Variants in CRACDL observed in about 807,000 individuals in gnomAD.
The protein encoded by CRACDL is CRACD like, also known as CRACD-like protein.
Under a neutral mutation model 70.6 loss-of-function variants are expected in CRACDL, and 26 were observed. That is an observed-to-expected ratio of 0.37 (90% CI 0.27 to 0.51). The LOEUF (loss-of-function observed/expected upper bound fraction) is 0.51. Among genes scored for constraint, CRACDL ranks in the 20% least tolerant of loss-of-function variants. The pLI, the probability that CRACDL is intolerant of heterozygous loss-of-function variation, is 0.94. For missense variants in CRACDL, 1,283 were observed against 1,376.9 expected (o/e 0.93, Z 1.08); for synonymous variants, 618 against 615.2 (o/e 1.00, Z -0.07).
chr2:98,797,550 G>C lies in CRACDL; in HGVS notation c.2417-13C>G, dbSNP rs1159245232. 6 of 1,612,456 alleles carry C rather than the reference G, an allele frequency of 3.7e-6. No homozygotes were observed. In the African/African-American group the frequency reaches 8.0e-5, roughly 22 times the overall value. On this transcript the variant is annotated splice_polypyrimidine_tract_variant and intron_variant, in intron 7 of 9. Coordinates refer to ENST00000397899, the MANE Select transcript of CRACDL (RefSeq NM_207362.3). ...GGCAGACTCTTTTCTGTTGGGTAAA[G>C]GCACAAGATTATAGAAACAGTCCTA...
At chr2:98,861,356 A>G (rs566383507) in intron 1 of CRACDL, among the ~76,000 whole-genome samples, 1 of 152,134 alleles carries the variant, frequency 6.6e-6, no homozygotes, top group Non-Finnish European at 1.5e-5. Context: ...CAACAACAAC[A>G]ACAACAACAA....
rs762228614 is a variant in CRACDL, at chr2:98,822,525, G to A, written c.1748C>T (p.Pro583Leu). The change falls in exon 7 of 10, where the codon CCT becomes CTT. Residue 583 changes from proline (P) to leucine (L), a missense_variant. By Grantham distance (98) the Pro-to-Leu change is moderately conservative (BLOSUM62 -3). Around this residue, in one of 2 missense-constraint regions of CRACDL, gnomAD observed 921 missense variants for 881.9 expected, o/e 1.04. Coordinates refer to ENST00000397899, the MANE Select transcript of CRACDL (RefSeq NM_207362.3). The surrounding 1 kb of genome is among the most constrained non-coding windows in gnomAD (Gnocchi z 4.9). The stretch of plus-strand genomic sequence containing the variant: ...CAGCGGGCGGGAGACGCCCGGACGA[G>A]GCCGCGCTCGGCACGAGGACACCGA... Reference protein sequence around the residue: ...KFSVSSCRARPRPGVSRPLER... With the variant: ...KFSVSSCRARLRPGVSRPLER... 41 of 1,458,866 alleles carry A rather than the reference G, an allele frequency of 2.8e-5. No individual in the cohort carries two copies. In the South Asian group the frequency reaches 5.2e-4, roughly 19 times the overall value. The allele number at this position is 1,458,866 out of a possible 1,614,324, so 90.4% of individuals were successfully genotyped here.
At position 98,797,519 on chromosome 2, in the gene CRACDL, G is replaced by A. The variant is rs1291502094; in HGVS notation, c.2435C>T (p.Ala812Val). Residue 812 changes from alanine to valine, a missense_variant, in exon 8 of 10, where the codon GCA (alanine) becomes GTA (valine). Ala to Val is a moderately conservative substitution (Grantham distance 64). Coordinates refer to ENST00000397899, the MANE Select transcript of CRACDL (RefSeq NM_207362.3). ...CCCATCAGCTCCAGGCCCTGTTGCT[G>A]CAGGCGGCAGACTCTTTTCTGTTGG... is the stretch of plus-strand genomic sequence containing the variant. ...RRGAEKSLPPAATGPGADGQP... is the reference protein window; with the variant it reads ...RRGAEKSLPPVATGPGADGQP... 1.2e-6 allele frequency: 2 copies of A among 1,613,918 alleles called. No individual in the cohort carries two copies. The highest frequency in any genetic ancestry group is 1.7e-5 in the Admixed American group (1 of 60,034).
chr2:98,795,983 G>C, intron 9 of CRACDL, 137 bp downstream of exon 9: 1 of 776,774 alleles, frequency 1.3e-6, no homozygotes, highest in Non-Finnish European at 2.2e-6. Flanking sequence ...CACGTAAATT[G>C]TATCTCCGTA....
chr2:98,900,455 G>T (rs1708250068), intron 1 of CRACDL, among the ~76,000 whole-genome samples: 1 of 151,936 alleles, frequency 6.6e-6, no homozygotes, highest in South Asian at 2.1e-4. Context: ...GTACCCCTGT[G>T]GCAGAGGCAG....
At position 98,823,552 on chromosome 2, in the gene CRACDL, G is replaced by A. The variant is rs899430218; in HGVS notation, c.736-15C>T. On this transcript the variant is annotated splice_polypyrimidine_tract_variant and intron_variant, in intron 6 of 9. Transcript: ENST00000397899. The surrounding 1 kb of genome is among the most constrained non-coding windows in gnomAD (Gnocchi z 4.0). ...GACTGAGCGCGCTGAGAGAAATAAAGATAAAAAGCATCGTCGCTATAGCCA... is the reference window on the plus strand; with the variant it reads ...GACTGAGCGCGCTGAGAGAAATAAAAATAAAAAGCATCGTCGCTATAGCCA... 2 of 1,553,954 alleles carry A rather than the reference G, an allele frequency of 1.3e-6. No individual in the cohort carries two copies. The highest frequency in any genetic ancestry group is 1.7e-6 in the Non-Finnish European group (2 of 1,157,150).
intron 1 of CRACDL, among the ~76,000 whole-genome samples, chr2:98,847,714 A>G (rs1007264165): frequency 2.6e-5 from 4 of 152,200 alleles, no homozygotes; most frequent in Non-Finnish European, 5.9e-5. Context: ...CTACCTCCAT[A>G]TACTATCACA....
intron 1 of CRACDL, among the ~76,000 whole-genome samples, chr2:98,892,780 C>T (rs539806481): frequency 6.6e-6 from 1 of 151,932 alleles, no homozygotes; most frequent in Admixed American, 6.6e-5. Context: ...GGAAAAAAAC[C>T]CTAAACCCTA....
At chr2:98,864,076 A>T (rs867179834) in intron 1 of CRACDL, among the ~76,000 whole-genome samples, 1 of 152,224 alleles carries the variant, frequency 6.6e-6, no homozygotes, top group African/African-American at 2.4e-5. Context: ...TTTTACCACA[A>T]CTAAAACGTG....
chr2:98,916,030 G>A (rs1033753650), intron 1 of CRACDL, among the ~76,000 whole-genome samples: 6 of 152,224 alleles, frequency 3.9e-5, no homozygotes, highest in African/African-American at 1.2e-4. Flanking sequence ...AGAGACAGAC[G>A]GATGGCACAG....
In CRACDL at chr2:98,834,672, T is replaced by C. The variant is rs868015449; in HGVS notation, c.240-1675A>G. 1.2e-4 allele frequency among the ~76,000 whole-genome samples: 18 copies of C among 152,344 alleles called. 1 individual carries two copies. In the South Asian group the frequency reaches 3.3e-3, roughly 28 times the overall value. On this transcript the variant is annotated intron_variant, in intron 3 of 9. Transcript: ENST00000397899. ...ATACCTACATTGACAACTTTGTCTT[T>C]GAAACTATGCAAACGTTTTATATAA...
At chr2:98,933,085 C>T (rs537759328) in intron 1 of CRACDL, among the ~76,000 whole-genome samples, 2 of 152,282 alleles carry the variant, frequency 1.3e-5, no homozygotes, top group South Asian at 4.1e-4. Flanking sequence ...CTCCCAGGTG[C>T]CCAATAGGGG....
At chr2:98,867,341 T>C (rs936485382) in intron 1 of CRACDL, among the ~76,000 whole-genome samples, 5 of 152,202 alleles carry the variant, frequency 3.3e-5, no homozygotes, top group African/African-American at 1.2e-4. Flanking sequence ...ACACAGTGTA[T>C]ACTCTATATA....
intron 1 of CRACDL, among the ~76,000 whole-genome samples, chr2:98,882,882 C>T (rs1707695020): frequency 6.6e-6 from 1 of 152,240 alleles, no homozygotes; most frequent in African/African-American, 2.4e-5. Flanking sequence ...TCAGTAGAAG[C>T]AGCATCTGTT....
At chr2:98,904,082 A>T (rs1312959474) in intron 1 of CRACDL, among the ~76,000 whole-genome samples, 3 of 152,212 alleles carry the variant, frequency 2.0e-5, no homozygotes, top group African/African-American at 4.8e-5. Flanking sequence ...CGTCAGCCTC[A>T]AATGCTGTGA....
chr2:98,816,074 G>C (rs1704773485), intron 7 of CRACDL, among the ~76,000 whole-genome samples: 1 of 152,172 alleles, frequency 6.6e-6, no homozygotes, highest in Admixed American at 6.5e-5. Flanking sequence ...ATCTGGGCTA[G>C]GAAAGTCCCA....
chr2:98,811,407 G>A (rs1161292179), intron 7 of CRACDL, among the ~76,000 whole-genome samples: 7 of 151,450 alleles, frequency 4.6e-5, no homozygotes. Flanking sequence ...CTACTCGGGA[G>A]GCTGAGGCAG....
At chr2:98,814,316 C>A (rs12619244) in intron 7 of CRACDL, among the ~76,000 whole-genome samples, 5,579 of 152,050 alleles carry the variant, frequency 0.037, 199 homozygotes, top group South Asian at 0.18. Flanking sequence ...CCCTAAGTAC[C>A]AGTTTATCTG....
intron 1 of CRACDL, among the ~76,000 whole-genome samples, chr2:98,935,276 T>C (rs13396750): frequency 0.084 from 12,766 of 152,172 alleles, 786 homozygotes; most frequent in East Asian, 0.28. Flanking sequence ...GGTTTGCACC[T>C]ACACGGAGTC....
Sources: allele counts gnomAD v4.1 joint callset (sites outside exome capture counted in the v4.1 genomes callset), GRCh38; gene constraint gnomAD v4.1.1; regional missense constraint gnomAD v4.1.1; non-coding constraint Gnocchi (gnomAD v3.1); transcripts MANE v1.5; gene names NCBI Gene and HGNC (gene_info 2026-07-23, HGNC 2026-07-21).